HSPBAP1: variants seen among roughly 807,000 people sequenced by gnomAD.
The protein encoded by HSPBAP1 is HSPB1 associated protein 1.
HSPBAP1 carries 27 observed loss-of-function variants against 45.2 expected under a neutral mutation model. The observed-to-expected ratio is 0.60, with a 90% CI of 0.44 to 0.82. The LOEUF is 0.82. Among genes scored for constraint, HSPBAP1 ranks in the 40% least tolerant of loss-of-function variants. The probability of loss-of-function intolerance (pLI) is 0.00; values close to 1 mark genes in which losing one functional copy is unlikely to be tolerated. For synonymous variants in HSPBAP1, 204 were observed against 202.7 expected, an observed-to-expected ratio of 1.01 and a Z score of -0.06; for missense variants, 510 against 590.9, an observed-to-expected ratio of 0.86 and a Z score of 1.42.
In HSPBAP1 at chr3:122,740,409, C is replaced by A. The variant is rs1474827265; in HGVS notation, c.1403G>T (p.Cys468Phe). The A allele has an allele frequency of 6.2e-7, 1 of 1,613,692 alleles. No homozygotes were observed. The highest frequency in any genetic ancestry group is 1.3e-5 in the African/African-American group (1 of 74,878). Residue 468 changes from cysteine (C) to phenylalanine (F), a missense_variant, in exon 8 of 8, where the codon TGC becomes TTC. Physicochemically the swap from Cys to Phe is radical, Grantham distance 205. Transcript: ENST00000306103. ...TFISTDDLLD[C>F]LVNPQVTRIV... Reference sequence around the variant, plus strand: ...CCTGGTTACTTGTGGATTCACCAAGCAGTCCAGCAAGTCATCCGTAGAAAT... The same window carrying A: ...CCTGGTTACTTGTGGATTCACCAAGAAGTCCAGCAAGTCATCCGTAGAAAT...
chr3:122,754,907 C>T (rs750075075), intron 5 of HSPBAP1: 4 of 1,006,134 alleles, frequency 4.0e-6, no homozygotes, highest in Non-Finnish European at 4.7e-6. Context: ...TGAACAGATA[C>T]TAACTGTGAT....
In HSPBAP1 at chr3:122,793,711, C is replaced by T. The variant is rs1461860302; in HGVS notation, c.-31G>A. On this transcript the variant is annotated 5_prime_UTR_variant, in exon 1 of 8. Coordinates refer to ENST00000306103, the MANE Select transcript of HSPBAP1 (RefSeq NM_024610.6). ...CCGCAAGGCGGGTTCTGCCGGAACCCAAGGCGGAGCGGAGCTGGGGTGGGG... is the reference window on the plus strand; with the variant it reads ...CCGCAAGGCGGGTTCTGCCGGAACCTAAGGCGGAGCGGAGCTGGGGTGGGG... 1.2e-6 allele frequency: 2 copies of T among 1,610,376 alleles called. No homozygotes were observed. Among genetic ancestry groups the T allele is most frequent in the South Asian group, 2.2e-5 (2 of 91,006 alleles).
intron 3 of HSPBAP1, among the ~76,000 whole-genome samples, chr3:122,765,580 CA>C (rs58965358): frequency 2.1e-3 from 123 of 58,764 alleles, no homozygotes; most frequent in Middle Eastern, 7.7e-3. Context: ...GACTCTGTCT[CA>C]AAAAAAAAAA....
At chr3:122,768,953 ATAAAG>A in intron 2 of HSPBAP1, 71 bp from the exon 3 acceptor site, 1 of 1,105,046 alleles carries the variant, frequency 9.0e-7, no homozygotes, top group Non-Finnish European at 1.3e-6. Flanking sequence ...TTTTTTTAAA[ATAAAG>A]ATAATTTCAA....
intron 1 of HSPBAP1, among the ~76,000 whole-genome samples, chr3:122,790,944 C>G (rs977015482): frequency 1.3e-5 from 2 of 152,158 alleles, no homozygotes; most frequent in African/African-American, 4.8e-5. Flanking sequence ...TTTTCTCATT[C>G]TCTTACATAA....
Position 122,752,693 on chromosome 3 carries a change from A to G in HSPBAP1, c.742-19T>C. 1 of 1,573,924 alleles carries G rather than the reference A, an allele frequency of 6.4e-7. No individual in the cohort carries two copies. On this transcript the variant is annotated intron_variant, in intron 5 of 7. Transcript: ENST00000306103. ...AGAGAACCTGAAAACCAAACAAAGA[A>G]TGGTTAGCACAAGAACAGGACGTTT... is the stretch of plus-strand genomic sequence containing the variant.
chr3:122,783,645 C>T (rs1466726113), intron 1 of HSPBAP1, among the ~76,000 whole-genome samples: 1 of 152,104 alleles, frequency 6.6e-6, no homozygotes. Context: ...GTAGGTTGGA[C>T]AAAGAGTAAA....
chr3:122,780,019 T>G (rs1470409281), intron 1 of HSPBAP1, among the ~76,000 whole-genome samples: 8 of 152,182 alleles, frequency 5.3e-5, no homozygotes, highest in African/African-American at 1.9e-4. Flanking sequence ...AATGAGCTGC[T>G]GGGTACACCT....
chr3:122,789,073 T>C, intron 1 of HSPBAP1, among the ~76,000 whole-genome samples: 1 of 152,248 alleles, frequency 6.6e-6, no homozygotes, highest in East Asian at 1.9e-4. Context: ...TTTTACTTTT[T>C]GAGATAACAC....
intron 1 of HSPBAP1, among the ~76,000 whole-genome samples, chr3:122,789,598 A>G (rs1935760062): frequency 1.3e-5 from 2 of 152,264 alleles, no homozygotes; most frequent in Admixed American, 1.3e-4. Context: ...AGGTTAGTCC[A>G]GTGCCTAGCA....
chr3:122,755,266 T>A lies in HSPBAP1; in HGVS notation c.735A>T (p.Pro245=), dbSNP rs1934306430. 6.3e-7 allele frequency: 1 copy of A among 1,577,472 alleles called. No homozygotes were observed. Among genetic ancestry groups the A allele is most frequent in the Non-Finnish European group, 8.6e-7 (1 of 1,166,478 alleles). The change falls in exon 5 of 8, where the codon CCA becomes CCT. Residue 245 remains proline, a synonymous_variant. Coordinates refer to ENST00000306103, the MANE Select transcript of HSPBAP1 (RefSeq NM_024610.6). ...TGTTTTAAAGCCCTATTACCTGTCC[T>A]GGGCTCAGTGTAACCGCATGTCTTT... ...KAQRHAVTLS[P]GQVLFVPRHW...
chr3:122,780,924 G>C (rs1417655479), intron 1 of HSPBAP1, among the ~76,000 whole-genome samples: 1 of 56,304 alleles, frequency 1.8e-5, no homozygotes. Flanking sequence ...ACGGGGCGGC[G>C]GGGCAGAGGC....
In HSPBAP1 at chr3:122,790,287, C is replaced by T. The variant is rs770896247; in HGVS notation, c.64+3330G>A. On this transcript the variant is annotated intron_variant, in intron 1 of 7. Transcript: ENST00000306103. ...TTCGTCACTTCAGCATTTCTGTTTT[C>T]ACCCTGCTCTTCTCTGGATTCAATG... Among the ~76,000 whole-genome samples, 3 of 152,204 alleles carry T rather than the reference C, an allele frequency of 2.0e-5. No homozygotes were observed. In the East Asian group the frequency reaches 5.8e-4, roughly 29 times the overall value.
intron 5 of HSPBAP1, 113 bp from the exon 6 acceptor site, chr3:122,752,787 A>G: frequency 7.2e-7 from 1 of 1,392,676 alleles, no homozygotes; most frequent in South Asian, 1.7e-5. Context: ...TGAATTCACA[A>G]TAATATTGCT....
intron 3 of HSPBAP1, among the ~76,000 whole-genome samples, chr3:122,763,135 A>G (rs1393795558): frequency 6.6e-6 from 1 of 152,114 alleles, no homozygotes. Flanking sequence ...ACTTGTTCTG[A>G]TGTTAACTAT....
At chr3:122,754,676 GA>G in intron 5 of HSPBAP1, 2 of 985,248 alleles carry the variant, frequency 2.0e-6, no homozygotes, top group Non-Finnish European at 2.4e-6. Context: ...AATTATTAAT[GA>G]AATATCAGAC....
chr3:122,787,549 G>A (rs1190910461), intron 1 of HSPBAP1, among the ~76,000 whole-genome samples: 2 of 152,104 alleles, frequency 1.3e-5, no homozygotes, highest in African/African-American at 2.4e-5. Context: ...TTTAGAAGTT[G>A]ACATAAGAGT....
chr3:122,756,661 G>A (rs959010990), intron 4 of HSPBAP1, among the ~76,000 whole-genome samples: 1 of 149,668 alleles, frequency 6.7e-6, no homozygotes, highest in East Asian at 2.0e-4. Context: ...TTGTGCCACT[G>A]CACTCCAGCC....
intron 6 of HSPBAP1, among the ~76,000 whole-genome samples, chr3:122,745,821 C>T (rs1267879716): frequency 6.6e-6 from 1 of 152,172 alleles, no homozygotes; most frequent in Admixed American, 6.5e-5. Flanking sequence ...GCTGAGGTTA[C>T]TAAGGTCTAT....
Sources: allele counts gnomAD v4.1 joint callset (sites outside exome capture counted in the v4.1 genomes callset), GRCh38; gene constraint gnomAD v4.1.1; transcripts MANE v1.5; gene names NCBI Gene and HGNC (gene_info 2026-07-23, HGNC 2026-07-21).